The following MYB variants were observed in gnomAD, a reference collection of about 807,000 sequenced individuals.
The protein encoded by MYB is MYB proto-oncogene, transcription factor.
Under a neutral mutation model 92.9 loss-of-function variants are expected in MYB, and 28 were observed. That is an observed-to-expected ratio of 0.30 (90% CI 0.22 to 0.41). The LOEUF (loss-of-function observed/expected upper bound fraction) is 0.41. MYB is among the 10% of genes least tolerant of loss of function. The probability of loss-of-function intolerance (pLI) is 1.00; values close to 1 mark genes in which losing one functional copy is unlikely to be tolerated. For missense variants in MYB, 679 were observed against 929.3 expected, an observed-to-expected ratio of 0.73 and a Z score of 3.50; for synonymous variants, 295 against 329.1, an observed-to-expected ratio of 0.90 and a Z score of 1.12.
intron 3 of MYB, among the ~76,000 whole-genome samples, chr6:135,189,315 A>G (rs755974574): frequency 2.6e-5 from 4 of 152,232 alleles, no homozygotes; most frequent in Non-Finnish European, 2.9e-5. Flanking sequence ...CTCCTGTAAC[A>G]TAGGACCTAT....
chr6:135,205,075 G>A (rs988426387), intron 15 of MYB, among the ~76,000 whole-genome samples: 2 of 151,972 alleles, frequency 1.3e-5, no homozygotes, highest in African/African-American at 4.8e-5. Context: ...TCAAAAAAAA[G>A]AATATCACAA....
intron 3 of MYB, among the ~76,000 whole-genome samples, chr6:135,188,961 A>G (rs182938012): frequency 1.3e-4 from 20 of 152,178 alleles, no homozygotes; most frequent in African/African-American, 3.9e-4. Flanking sequence ...GCCCTCCTCT[A>G]TTGCCCCAAC....
chr6:135,188,123 A>G (rs1226401604), intron 3 of MYB, among the ~76,000 whole-genome samples: 1 of 152,192 alleles, frequency 6.6e-6, no homozygotes, highest in Non-Finnish European at 1.5e-5. Context: ...TAGATTATCA[A>G]ATTTTAAAAA....
rs1778395957 is a variant in MYB, at chr6:135,203,343, T to C, written c.2169+19T>C. The C allele has an allele frequency of 2.6e-6, 4 of 1,517,538 alleles. No individual in the cohort carries two copies. The highest frequency in any genetic ancestry group is 3.7e-6 in the Non-Finnish European group (4 of 1,093,530). 94.0% of individuals were successfully genotyped at this position (1,517,538 alleles called of 1,614,324 possible). On this transcript the variant is annotated intron_variant, in intron 15 of 15. Coordinates refer to ENST00000341911, the MANE Select transcript of MYB (RefSeq NM_001130173.2). Reference sequence around the variant, plus strand: ...CTTGCAGGTAATTACTATTCCAACATTGGTATTTTAAAATTCATTCACTGA... The same window carrying C: ...CTTGCAGGTAATTACTATTCCAACACTGGTATTTTAAAATTCATTCACTGA...
chr6:135,195,695 T>C, intron 8 of MYB, 53 bp from the exon 9 acceptor site: 2 of 1,590,256 alleles, frequency 1.3e-6, no homozygotes, highest in Non-Finnish European at 1.7e-6. Context: ...GCTAAGTTCC[T>C]TCTCCCTTTC....
chr6:135,213,240 A>G (rs1489053893), intron 15 of MYB, among the ~76,000 whole-genome samples: 1 of 152,324 alleles, frequency 6.6e-6, no homozygotes, highest in East Asian at 1.9e-4. Flanking sequence ...TTCAGGGGAT[A>G]TATGACTCAG....
intron 15 of MYB, 70 bp downstream of exon 15, chr6:135,203,394 G>A: frequency 1.6e-6 from 2 of 1,256,726 alleles, no homozygotes; most frequent in Non-Finnish European, 2.3e-6. Flanking sequence ...GGTGGTGGTG[G>A]TGGTGGTGGT....
At position 135,190,046 on chromosome 6, in the gene MYB, A is replaced by G. The variant is rs1776439132; in HGVS notation, c.307-81A>G. The G allele has an allele frequency of 5.9e-6, 9 of 1,517,452 alleles. No homozygotes were observed. In the Admixed American group the frequency reaches 7.6e-5, roughly 13 times the overall value. 94.0% of individuals were successfully genotyped at this position (1,517,452 alleles called of 1,614,324 possible). On this transcript the variant is annotated intron_variant, in intron 4 of 15. Transcript: ENST00000341911. This position sits in a 1 kb window ranked among gnomAD's most constrained non-coding sequence, Gnocchi z 4.5. ...AGCAAATTTTGGAAATTTTCTAAAG[A>G]TCTTGTAACACTGAAGAATGATTAT...
intron 15 of MYB, among the ~76,000 whole-genome samples, chr6:135,211,219 G>C (rs942136148): frequency 2.7e-5 from 4 of 149,486 alleles, no homozygotes; most frequent in African/African-American, 9.9e-5. Flanking sequence ...TCCCCTGGAT[G>C]CCTGCACACT....
chr6:135,195,354 C>A (rs1336619300), intron 8 of MYB: 4 of 158,400 alleles, frequency 2.5e-5, no homozygotes, highest in Non-Finnish European at 5.3e-5. Flanking sequence ...ACTCCTGAGT[C>A]CTCTAGCTTT....
intron 15 of MYB, 51 bp from the exon 16 acceptor site, chr6:135,217,813 A>AG (rs768347968): frequency 4.0e-5 from 52 of 1,310,236 alleles, no homozygotes; most frequent in Non-Finnish European, 5.4e-5. Flanking sequence ...CTGGGTCTAT[A>AG]GAATGAGCTT....
At chr6:135,195,381 A>G (rs1240645385) in intron 8 of MYB, 2 of 260,836 alleles carry the variant, frequency 7.7e-6, no homozygotes, top group Non-Finnish European at 7.5e-6. Flanking sequence ...GTTAGAATGC[A>G]AATAGGACAG....
rs369628182 is a variant in MYB at position 135,201,693 on chromosome 6, G to C, written c.2005G>C (p.Gly669Arg). The change falls in exon 14 of 16, where the codon GGG becomes CGG. Residue 669 changes from glycine (G) to arginine (R), a missense_variant. Physicochemically the swap from Gly to Arg is moderately radical, Grantham distance 125 (BLOSUM62 -2). Around this residue, in one of 8 missense-constraint regions of MYB, gnomAD observed 402 missense variants for 434.2 expected, o/e 0.93. Transcript: ENST00000341911. Reference protein sequence around the residue: ...GNFFCSHHWEGDSLNTQLFTQ... With the variant: ...GNFFCSHHWERDSLNTQLFTQ... ...CTTCTTCTGCTCACACCACTGGGAA[G>C]GGGACAGTCTGAATACCCAACTGTT... 6.3e-7 allele frequency: 1 copy of C among 1,592,448 alleles called. No homozygotes were observed. Among genetic ancestry groups the C allele is most frequent in the Non-Finnish European group, 8.6e-7 (1 of 1,166,666 alleles).
In MYB at chr6:135,187,817, A is replaced by G. The variant is rs1358977936; in HGVS notation, c.142-17A>G. On this transcript the variant is annotated splice_polypyrimidine_tract_variant and intron_variant, in intron 2 of 15. Transcript: ENST00000341911. ...AGTAAATAACTGATATCCTAGGATT[A>G]CCTTTAAATGTCTTAGGATGAAAAA... 1 of 1,570,422 alleles carries G rather than the reference A, an allele frequency of 6.4e-7. No individual in the cohort carries two copies. The highest frequency in any genetic ancestry group is 8.7e-7 in the Non-Finnish European group (1 of 1,147,238).
At chr6:135,204,693 A>G (rs981115864) in intron 15 of MYB, among the ~76,000 whole-genome samples, 1 of 152,210 alleles carries the variant, frequency 6.6e-6, no homozygotes, top group East Asian at 1.9e-4. Flanking sequence ...TCTGACAGCA[A>G]TTGTTTTGGT....
chr6:135,185,840 TA>T, intron 1 of MYB, 62 bp from the exon 2 acceptor site: 1 of 1,288,164 alleles, frequency 7.8e-7, no homozygotes, highest in Non-Finnish European at 1.1e-6. Context: ...GTAAGTTTTG[TA>T]ATCCAGTAGT....
At chr6:135,203,141 C>A in intron 14 of MYB, 76 bp from the exon 15 acceptor site, 1 of 1,058,758 alleles carries the variant, frequency 9.4e-7, no homozygotes, top group Non-Finnish European at 1.4e-6. Context: ...GTAATCTACT[C>A]TCCACAGTGT....
At position 135,197,200 on chromosome 6, in the gene MYB, A is replaced by G. The variant is rs753140247; in HGVS notation, c.1443A>G (p.Arg481=). ...GCACAATTCCACTGGTCATCCTTCG[A>G]AAAAAACGGGGCCAGGCCAGCCCCT... ...RHSTIPLVIL[R]KKRGQASPLA... is the part of the protein sequence containing the mutation. The change falls in exon 10 of 16, where the codon CGA becomes CGG. Residue 481 remains arginine (R), a synonymous_variant. Transcript: ENST00000341911. 4 of 1,613,928 alleles carry G rather than the reference A, an allele frequency of 2.5e-6. No individual in the cohort carries two copies. Among genetic ancestry groups the G allele is most frequent in the Non-Finnish European group, 3.4e-6 (4 of 1,179,856 alleles).
chr6:135,188,227 A>G (rs1776174745), intron 3 of MYB, among the ~76,000 whole-genome samples: 1 of 152,156 alleles, frequency 6.6e-6, no homozygotes, highest in South Asian at 2.1e-4. Context: ...ATTTCCTCCA[A>G]GTCAGTTTTT....
Sources: gnomAD v4.1 joint callset for allele counts (sites outside exome capture counted in the v4.1 genomes callset) on GRCh38, gnomAD v4.1.1 for gene constraint, gnomAD v4.1.1 regional missense constraint, Gnocchi (gnomAD v3.1) non-coding constraint, MANE v1.5 for transcripts, NCBI Gene and HGNC (gene_info 2026-07-23, HGNC 2026-07-21) for gene names.